Variants in RAP1GAP2 observed in about 807,000 individuals in gnomAD.
The protein encoded by RAP1GAP2 is RAP1 GTPase activating protein 2, also known as rap1 GTPase-activating protein 2.
In RAP1GAP2, 27 loss-of-function variants were observed where a neutral mutation model predicts 95.0. The ratio of observed to expected loss-of-function variants is 0.28; its 90% confidence interval spans 0.21 to 0.39. RAP1GAP2 has a LOEUF of 0.39. Ranked by LOEUF, RAP1GAP2 falls within the 10% of genes least tolerant of loss-of-function variation. The probability of loss-of-function intolerance (pLI) is 1.00; values close to 1 mark genes in which losing one functional copy is unlikely to be tolerated. For synonymous variants in RAP1GAP2, 373 were observed against 380.9 expected, an observed-to-expected ratio of 0.98 and a Z score of 0.24; for missense variants, 771 against 970.0, an observed-to-expected ratio of 0.79 and a Z score of 2.72.
At chr17:3,001,991 G>A (rs1315260700) in intron 14 of RAP1GAP2, among the ~76,000 whole-genome samples, 1 of 143,134 alleles carries the variant, frequency 7.0e-6, no homozygotes, top group Non-Finnish European at 1.5e-5. Context: ...TTTTGAGACA[G>A]TCTCGCTGTC....
chr17:2,890,971 C>G (rs2073693988), intron 2 of RAP1GAP2, among the ~76,000 whole-genome samples: 1 of 152,058 alleles, frequency 6.6e-6, no homozygotes, highest in Non-Finnish European at 1.5e-5. Flanking sequence ...CAGGCTTGAG[C>G]CACCACGCCC....
At chr17:2,837,804 C>T (rs953011555) in intron 2 of RAP1GAP2, among the ~76,000 whole-genome samples, 3 of 151,402 alleles carry the variant, frequency 2.0e-5, no homozygotes, top group African/African-American at 4.9e-5. Flanking sequence ...GACGGGGTTT[C>T]GCCGTGTTAG....
At chr17:2,838,864 T>G (rs2071256801) in intron 2 of RAP1GAP2, among the ~76,000 whole-genome samples, 1 of 152,238 alleles carries the variant, frequency 6.6e-6, no homozygotes, top group Non-Finnish European at 1.5e-5. Flanking sequence ...TTCTAACATT[T>G]GCTAACCTTC....
In RAP1GAP2 at chr17:2,823,299, C is replaced by G. The variant is rs922995024; in HGVS notation, c.80+22749C>G. Among the ~76,000 whole-genome samples the G allele has an allele frequency of 6.6e-5, 10 of 152,116 alleles. No homozygotes were observed. The East Asian group carries it at 1.9e-3, about 29-fold the overall frequency. ...TGTCCTGTGGGGTTTTGGTCTCCCACCCCGGGGCCTAAGGGCCTCAGAATG... is the reference window on the plus strand; with the variant it reads ...TGTCCTGTGGGGTTTTGGTCTCCCAGCCCGGGGCCTAAGGGCCTCAGAATG... On this transcript the variant is annotated intron_variant, in intron 2 of 24. Coordinates refer to ENST00000254695, the MANE Select transcript of RAP1GAP2 (RefSeq NM_015085.5).
Position 2,969,496 on chromosome 17 carries a change from C to CTTTTTTTTTTTTTTTTTT in RAP1GAP2, c.596+3859_596+3876dup, listed in dbSNP as rs34468461. ...GTAAAGATGTGTAAATATATATATTCTTTTTTTTTTTTTTTTTTTTTTTGA... is the reference window on the plus strand; with the variant it reads ...GTAAAGATGTGTAAATATATATATTCTTTTTTTTTTTTTTTTTTTTTTTTTTTTTTTTTTTTTTTTTGA... On this transcript the variant is annotated intron_variant, in intron 8 of 24. Coordinates refer to ENST00000254695, the MANE Select transcript of RAP1GAP2 (RefSeq NM_015085.5). Among the ~76,000 whole-genome samples the CTTTTTTTTTTTTTTTTTT allele has an allele frequency of 2.0e-4, 17 of 83,784 alleles. 2 individuals are homozygous for CTTTTTTTTTTTTTTTTTT. Among genetic ancestry groups the CTTTTTTTTTTTTTTTTTT allele is most frequent in the African/African-American group, 7.3e-4 (16 of 21,968 alleles). 55.0% of individuals were successfully genotyped at this position (83,784 alleles called of 152,430 possible).
At chr17:2,930,337 C>T (rs1002412227) in intron 3 of RAP1GAP2, among the ~76,000 whole-genome samples, 4 of 152,236 alleles carry the variant, frequency 2.6e-5, no homozygotes, top group African/African-American at 9.6e-5. Flanking sequence ...CTCACTGTGC[C>T]AGCTGGGTAG....
intron 3 of RAP1GAP2, 55 bp downstream of exon 3, chr17:2,905,423 G>A: frequency 6.4e-7 from 1 of 1,565,926 alleles, no homozygotes; most frequent in Non-Finnish European, 8.7e-7. Flanking sequence ...GAAGTTGTGA[G>A]GCCTTGCTGT....
At chr17:2,893,796 CG>C (rs1944109326) in intron 2 of RAP1GAP2, among the ~76,000 whole-genome samples, 1 of 151,980 alleles carries the variant, frequency 6.6e-6, no homozygotes, top group Non-Finnish European at 1.5e-5. Context: ...TTCTGAGTGA[CG>C]GAGTGCGTTT....
chr17:2,901,018 C>T (rs1467266914), intron 2 of RAP1GAP2, among the ~76,000 whole-genome samples: 3 of 152,332 alleles, frequency 2.0e-5, no homozygotes, highest in Admixed American at 6.5e-5. Context: ...ACAGGGGCTC[C>T]GCCAGGGGTC....
At chr17:2,805,351 C>T (rs543951651) in intron 2 of RAP1GAP2, among the ~76,000 whole-genome samples, 1 of 152,110 alleles carries the variant, frequency 6.6e-6, no homozygotes, top group East Asian at 1.9e-4. Context: ...CGAGACACTC[C>T]TCTTGTCCTT....
At chr17:2,758,332 C>T (rs575637915) in intron 1 of RAP1GAP2, among the ~76,000 whole-genome samples, 12 of 152,112 alleles carry the variant, frequency 7.9e-5, no homozygotes, top group East Asian at 1.9e-4. Flanking sequence ...CGCACCACCA[C>T]GCCTGGCTAA....
upstream of RAP1GAP2, among the ~76,000 whole-genome samples, chr17:2,775,366 G>A (rs2068476534): frequency 6.6e-6 from 1 of 152,134 alleles, no homozygotes; most frequent in South Asian, 2.1e-4. Flanking sequence ...GCCAGTGGGT[G>A]TGTGGGGACT....
intron 2 of RAP1GAP2, among the ~76,000 whole-genome samples, chr17:2,868,378 G>A (rs1296004267): frequency 6.6e-6 from 1 of 152,132 alleles, no homozygotes; most frequent in African/African-American, 2.4e-5. Flanking sequence ...AAACCCAGGG[G>A]GATATATGAT....
chr17:2,793,027 C>T (rs2068967696), upstream of RAP1GAP2, among the ~76,000 whole-genome samples: 5 of 152,116 alleles, frequency 3.3e-5, no homozygotes, highest in African/African-American at 9.7e-5. Context: ...TGAGGCGTGC[C>T]CAAGTGTGAT....
At chr17:2,979,631 T>C (rs983545991) in intron 8 of RAP1GAP2, among the ~76,000 whole-genome samples, 1 of 151,574 alleles carries the variant, frequency 6.6e-6, no homozygotes, top group Non-Finnish European at 1.5e-5. Flanking sequence ...CGCGCCCAGC[T>C]AATTTTTGTA....
intron 17 of RAP1GAP2, among the ~76,000 whole-genome samples, chr17:3,010,320 C>T (rs2151619441): frequency 9.2e-6 from 1 of 109,262 alleles, no homozygotes; most frequent in African/African-American, 3.7e-5. Context: ...AGCCTGGAGA[C>T]AGGGCGAGAC....
chr17:2,866,136 G>A lies in RAP1GAP2; in HGVS notation c.81-39148G>A, dbSNP rs937010929. ...CCTGGAGTTGGTGGCATTTGAAGTG[G>A]GCCTCGGGGACTGGACAGGATGTCT... On this transcript the variant is annotated intron_variant, in intron 2 of 24. Transcript: ENST00000254695. This position sits in a 1 kb window ranked among gnomAD's most constrained non-coding sequence, Gnocchi z 4.0. Among the ~76,000 whole-genome samples the A allele has an allele frequency of 2.0e-5, 3 of 152,218 alleles. No homozygotes were observed. Among genetic ancestry groups the A allele is most frequent in the Non-Finnish European group, 4.4e-5 (3 of 68,040 alleles).
intron 3 of RAP1GAP2, among the ~76,000 whole-genome samples, chr17:2,936,258 T>TA (rs2043308271): frequency 1.6e-5 from 1 of 64,288 alleles, no homozygotes; most frequent in African/African-American, 6.5e-5. Flanking sequence ...CCCTCCCCCC[T>TA]CCCCCCACCC....
chr17:2,946,559 A>G (rs2043703222), intron 3 of RAP1GAP2, among the ~76,000 whole-genome samples: 1 of 152,144 alleles, frequency 6.6e-6, no homozygotes, highest in Non-Finnish European at 1.5e-5. Flanking sequence ...GATGTCCTAT[A>G]AAAACCCAAC....
Sources: gnomAD v4.1 joint callset for allele counts (sites outside exome capture counted in the v4.1 genomes callset) on GRCh38, gnomAD v4.1.1 for gene constraint, Gnocchi (gnomAD v3.1) non-coding constraint, MANE v1.5 for transcripts, NCBI Gene and HGNC (gene_info 2026-07-23, HGNC 2026-07-21) for gene names.